PRRC1: variants seen among roughly 807,000 people sequenced by gnomAD.
PRRC1 encodes protein PRRC1.
A neutral mutation model predicts 40.7 loss-of-function variants in PRRC1; 39 were observed. That is an observed-to-expected ratio of 0.96 (90% confidence interval 0.74 to 1.25). PRRC1 has a LOEUF of 1.25. Ranked by LOEUF, PRRC1 falls within the 50% of genes most tolerant of loss-of-function variation. The pLI is 0.00. For synonymous variants in PRRC1, 175 were observed against 193.3 expected, an observed-to-expected ratio of 0.91 and a Z score of 0.79; for missense variants, 573 against 548.3, an observed-to-expected ratio of 1.05 and a Z score of -0.45.
chr5:127,525,048 A>T (rs949389515), intron 3 of PRRC1, 128 bp downstream of exon 3: 5 of 978,334 alleles, frequency 5.1e-6, no homozygotes, highest in African/African-American at 3.3e-5. Flanking sequence ...ATACAGTTCC[A>T]TAGTTAGTTT....
intron 6 of PRRC1, among the ~76,000 whole-genome samples, chr5:127,536,364 G>A (rs1038229156): frequency 4.6e-5 from 7 of 151,884 alleles, no homozygotes; most frequent in Non-Finnish European, 7.4e-5. Context: ...TAAACTAGTT[G>A]TATATATATA....
chr5:127,529,578 A>C (rs1767710396), intron 4 of PRRC1, among the ~76,000 whole-genome samples: 1 of 152,122 alleles, frequency 6.6e-6, no homozygotes, highest in Non-Finnish European at 1.5e-5. Context: ...GAAGATGGGG[A>C]ATCATGGCAG....
At chr5:127,541,869 A>G (rs959398281) in intron 7 of PRRC1, among the ~76,000 whole-genome samples, 1 of 151,002 alleles carries the variant, frequency 6.6e-6, no homozygotes, top group African/African-American at 2.4e-5. Flanking sequence ...TTGTGTCTCT[A>G]TTTCCTTCAG....
intron 5 of PRRC1, among the ~76,000 whole-genome samples, chr5:127,532,708 A>G (rs1767806793): frequency 6.6e-6 from 1 of 152,216 alleles, no homozygotes; most frequent in African/African-American, 2.4e-5. Flanking sequence ...GGGATCCATT[A>G]TTTTTAAAAC....
At position 127,552,470 on chromosome 5, in the gene PRRC1, C is replaced by T; in HGVS notation, c.*554C>T. The T allele has an allele frequency of 1.0e-6, 1 of 986,606 alleles. No individual in the cohort carries two copies. The highest frequency in any genetic ancestry group is 1.2e-6 in the Non-Finnish European group (1 of 830,494). 61.1% of individuals were successfully genotyped at this position (986,606 alleles called of 1,614,324 possible). ...TGTGCATGTTTTCAGTAATATGGGC[C>T]AAAATAATGGAATTGATTATTTTCC... On this transcript the variant is annotated 3_prime_UTR_variant, in exon 9 of 9. Transcript: ENST00000296666.
rs188736390 is a variant in PRRC1 at position 127,522,148 on chromosome 5, A to G, written c.-20-1312A>G. Among the ~76,000 whole-genome samples, 88 of 152,356 alleles carry G rather than the reference A, an allele frequency of 5.8e-4. 2 individuals are homozygous for G. Among genetic ancestry groups the G allele is most frequent in the Non-Finnish European group, 8.8e-5 (6 of 68,036 alleles). On this transcript the variant is annotated intron_variant, in intron 1 of 8. Coordinates refer to ENST00000296666, the MANE Select transcript of PRRC1 (RefSeq NM_130809.5). ...TATTAAATGAATAAAAATATTAAAA[A>G]CAAATATAGCATATTTAGAAGTTGG...
Position 127,524,846 on chromosome 5 carries a change from A to G in PRRC1, c.419A>G (p.Asp140Gly), listed in dbSNP as rs747738559. Reference sequence around the variant, plus strand: ...GGATTTTCTGTTGGTTCAACTTATGACATTACAAGGGGACATGCTGGGAGA... The same window carrying G: ...GGATTTTCTGTTGGTTCAACTTATGGCATTACAAGGGGACATGCTGGGAGA... ...ISGFSVGSTY[D>G]ITRGHAGRAP... The change falls in exon 3 of 9, where the codon GAC (aspartate) becomes GGC (glycine). Residue 140 changes from aspartate (D) to glycine (G), a missense_variant. Asp to Gly is a moderately conservative substitution (Grantham distance 94). Coordinates refer to ENST00000296666, the MANE Select transcript of PRRC1 (RefSeq NM_130809.5). The G allele has an allele frequency of 8.7e-6, 14 of 1,614,152 alleles. No individual in the cohort carries two copies. The highest frequency in any genetic ancestry group is 1.7e-5 in the Admixed American group (1 of 60,022).
At chr5:127,543,282 C>T (rs553498909) in intron 7 of PRRC1, among the ~76,000 whole-genome samples, 6 of 152,104 alleles carry the variant, frequency 3.9e-5, no homozygotes, top group African/African-American at 1.4e-4. Flanking sequence ...GTAACCCGAC[C>T]TTTCTCTCTG....
chr5:127,554,011 G>A lies in PRRC1; in HGVS notation c.*2095G>A, dbSNP rs1027127528. ...TGGCCCAGAGTTTTTGAAAAGCAGC[G>A]GAGCATGACTGACTTCACATGCTCA... On this transcript the variant is annotated 3_prime_UTR_variant, in exon 9 of 9. Transcript: ENST00000296666. 55 of 1,081,880 alleles carry A rather than the reference G, an allele frequency of 5.1e-5. No homozygotes were observed. The highest frequency in any genetic ancestry group is 2.7e-4 in the Admixed American group (9 of 33,828). The allele number at this position is 1,081,880 out of a possible 1,614,324, so 67.0% of individuals were successfully genotyped here. A position where few individuals can be genotyped will look rare whatever the true frequency, so the allele number is the denominator to read the frequency against.
intron 8 of PRRC1, 70 bp from the exon 9 acceptor site, chr5:127,551,637 G>A: frequency 6.9e-7 from 1 of 1,454,038 alleles, no homozygotes; most frequent in South Asian, 1.2e-5. Context: ...ACTTTGAAAT[G>A]TCACTTATAG....
chr5:127,530,215 A>G (rs1229594547), intron 4 of PRRC1, 79 bp from the exon 5 acceptor site: 5 of 1,297,620 alleles, frequency 3.9e-6, no homozygotes, highest in Non-Finnish European at 4.3e-6. Context: ...AACTTTTAAA[A>G]AAGTTTTCTT....
chr5:127,535,023 G>A (rs150157383), intron 6 of PRRC1, among the ~76,000 whole-genome samples: 14 of 152,102 alleles, frequency 9.2e-5, no homozygotes, highest in Admixed American at 8.5e-4. Flanking sequence ...CAACATAATT[G>A]TGTTCCATAA....
intron 1 of PRRC1, among the ~76,000 whole-genome samples, chr5:127,519,816 A>G (rs963754821): frequency 2.0e-5 from 3 of 152,228 alleles, no homozygotes; most frequent in African/African-American, 7.2e-5. Context: ...GTTTGTTTCA[A>G]GGAACTTAAA....
intron 1 of PRRC1, among the ~76,000 whole-genome samples, chr5:127,518,409 T>G (rs1767372013): frequency 6.6e-6 from 1 of 152,264 alleles, no homozygotes; most frequent in South Asian, 2.1e-4. Context: ...AATTTGCAGA[T>G]AGCACGTTTC....
chr5:127,546,219 G>A (rs1363834341), intron 7 of PRRC1, among the ~76,000 whole-genome samples: 1 of 152,066 alleles, frequency 6.6e-6, no homozygotes, highest in Non-Finnish European at 1.5e-5. Flanking sequence ...CCAGCCTGTT[G>A]TTAAACTCTT....
rs535947973 is a variant in PRRC1 at position 127,547,754 on chromosome 5, T to G, written c.1026-65T>G. Reference sequence around the variant, plus strand: ...TGAATAATAGTACTTGTTTTTTCTTTTTGTCTATTCATGATAAGTTTTATT... The same window carrying G: ...TGAATAATAGTACTTGTTTTTTCTTGTTGTCTATTCATGATAAGTTTTATT... On this transcript the variant is annotated intron_variant, in intron 7 of 8. Coordinates refer to ENST00000296666, the MANE Select transcript of PRRC1 (RefSeq NM_130809.5). 2.4e-3 allele frequency: 2,667 copies of G among 1,092,470 alleles called. 5 individuals are homozygous for G. Among genetic ancestry groups the G allele is most frequent in the Non-Finnish European group, 3.4e-3 (2,504 of 737,436 alleles). The allele number at this position is 1,092,470 out of a possible 1,614,324, so 67.7% of individuals were successfully genotyped here.
chr5:127,551,774 T>A lies in PRRC1; in HGVS notation c.1196T>A (p.Val399Asp). Residue 399 changes from valine (V) to aspartate (D), a missense_variant, in exon 9 of 9, where the codon GTC (valine) becomes GAC (aspartate). Val to Asp is a radical substitution (Grantham distance 152). Transcript: ENST00000296666. ...WSGLLVTVGE[V>D]LEKSLLNVSR... ...GGCCTTTTGGTGACAGTGGGTGAAGTCCTGGAAAAGAGTTTACTGAATGTC... is the reference window on the plus strand; with the variant it reads ...GGCCTTTTGGTGACAGTGGGTGAAGACCTGGAAAAGAGTTTACTGAATGTC... The A allele has an allele frequency of 6.2e-7, 1 of 1,614,034 alleles. No homozygotes were observed.
At chr5:127,533,015 T>C (rs1486443171) in intron 5 of PRRC1, among the ~76,000 whole-genome samples, 1 of 152,116 alleles carries the variant, frequency 6.6e-6, no homozygotes, top group Non-Finnish European at 1.5e-5. Context: ...AAATTAAAAA[T>C]ATTTGAAAAT....
chr5:127,535,031 TA>T (rs1381567985), intron 6 of PRRC1, among the ~76,000 whole-genome samples: 4 of 152,192 alleles, frequency 2.6e-5, no homozygotes, highest in African/African-American at 9.6e-5. Context: ...TTGTGTTCCA[TA>T]AAGTTGCTAC....
Sources: allele counts gnomAD v4.1 joint callset (sites outside exome capture counted in the v4.1 genomes callset), GRCh38; gene constraint gnomAD v4.1.1; transcripts MANE v1.5; gene names NCBI Gene and HGNC (gene_info 2026-07-23, HGNC 2026-07-21).